COL8A1: variants seen among roughly 807,000 people sequenced by gnomAD.
The protein encoded by COL8A1 is collagen type VIII alpha 1 chain, also known as collagen alpha-1(VIII) chain.
COL8A1 carries 21 observed loss-of-function variants against 42.7 expected under a neutral mutation model. The ratio of observed to expected loss-of-function variants is 0.49; its 90% CI spans 0.35 to 0.71. COL8A1 has a LOEUF of 0.71. COL8A1 is among the 30% of genes least tolerant of loss of function. The pLI, the probability that COL8A1 is intolerant of heterozygous loss-of-function variation, is 0.01. For synonymous variants in COL8A1, 367 were observed against 369.1 expected (o/e 0.99, Z 0.06); for missense variants, 788 against 962.4 (o/e 0.82, Z 2.40).
intron 1 of COL8A1, among the ~76,000 whole-genome samples, chr3:99,651,492 C>T (rs1208149397): frequency 6.6e-6 from 1 of 152,240 alleles, no homozygotes; most frequent in Non-Finnish European, 1.5e-5. Context: ...GCCAGCAGGT[C>T]AGCGGAGGTA....
At chr3:99,728,817 T>C (rs865958738) in intron 1 of COL8A1, among the ~76,000 whole-genome samples, 3 of 152,128 alleles carry the variant, frequency 2.0e-5, no homozygotes, top group South Asian at 4.2e-4. Flanking sequence ...TACTTCACTC[T>C]TTTTGGTTCA....
chr3:99,725,125 G>C (rs539097129), intron 1 of COL8A1, among the ~76,000 whole-genome samples: 1 of 152,068 alleles, frequency 6.6e-6, no homozygotes, highest in Admixed American at 6.6e-5. Flanking sequence ...GAGCAATTCT[G>C]GGGGGAGTGC....
chr3:99,669,434 G>A (rs1016387525), intron 1 of COL8A1, among the ~76,000 whole-genome samples: 1 of 151,866 alleles, frequency 6.6e-6, no homozygotes, highest in African/African-American at 2.4e-5. Context: ...TAAAAAGCAA[G>A]CATTGTTAAT....
intron 1 of COL8A1, among the ~76,000 whole-genome samples, chr3:99,649,139 C>T (rs925285548): frequency 1.6e-4 from 25 of 151,998 alleles, no homozygotes; most frequent in African/African-American, 6.0e-4. Context: ...TAAGTATCTT[C>T]CCCTCTGTGA....
At chr3:99,674,588 G>A (rs148071796) in intron 1 of COL8A1, among the ~76,000 whole-genome samples, 141 of 151,916 alleles carry the variant, frequency 9.3e-4, no homozygotes, top group African/African-American at 3.2e-3. Flanking sequence ...CATTTTGTTC[G>A]GTAAAAGCAA....
chr3:99,732,883 G>T (rs1427612495), intron 1 of COL8A1, among the ~76,000 whole-genome samples: 1 of 152,118 alleles, frequency 6.6e-6, no homozygotes, highest in African/African-American at 2.4e-5. Context: ...GGGGGTACAG[G>T]TATTGGGAAA....
intron 2 of COL8A1, among the ~76,000 whole-genome samples, chr3:99,753,468 A>G (rs974798616): frequency 1.3e-5 from 2 of 152,198 alleles, no homozygotes; most frequent in Admixed American, 6.5e-5. Context: ...TTTGTGGGAA[A>G]GAAACTGCCT....
At chr3:99,652,164 G>A (rs780192895) in intron 1 of COL8A1, among the ~76,000 whole-genome samples, 2 of 152,148 alleles carry the variant, frequency 1.3e-5, no homozygotes, top group Non-Finnish European at 2.9e-5. Context: ...GCTAAAGGAA[G>A]AATCCATGAC....
intron 1 of COL8A1, among the ~76,000 whole-genome samples, chr3:99,644,574 C>T (rs867575238): frequency 9.2e-5 from 14 of 152,256 alleles, no homozygotes; most frequent in Admixed American, 3.3e-4. Flanking sequence ...TCCATATCTC[C>T]GAAATAGTAA....
intron 2 of COL8A1, among the ~76,000 whole-genome samples, chr3:99,763,346 G>C (rs1941399351): frequency 6.6e-6 from 1 of 152,164 alleles, no homozygotes; most frequent in Admixed American, 6.5e-5. Flanking sequence ...TGGGAGATGA[G>C]AGGGAAGGAT....
intron 1 of COL8A1, among the ~76,000 whole-genome samples, chr3:99,726,797 T>C (rs1195799032): frequency 4.0e-5 from 6 of 151,834 alleles, no homozygotes; most frequent in South Asian, 2.1e-4. Flanking sequence ...CAGTACCATG[T>C]TGTTTTGGTT....
At chr3:99,706,812 C>T (rs1939691226) in intron 1 of COL8A1, among the ~76,000 whole-genome samples, 1 of 152,144 alleles carries the variant, frequency 6.6e-6, no homozygotes, top group African/African-American at 2.4e-5. Flanking sequence ...CTTTACTGTT[C>T]ATGAATAATA....
intron 1 of COL8A1, among the ~76,000 whole-genome samples, chr3:99,710,928 T>C (rs1235972573): frequency 6.6e-6 from 1 of 152,264 alleles, no homozygotes; most frequent in African/African-American, 2.4e-5. Flanking sequence ...ATATATACTT[T>C]ATTTTCTTGA....
intron 1 of COL8A1, among the ~76,000 whole-genome samples, chr3:99,655,950 A>G (rs1938008421): frequency 6.6e-6 from 1 of 152,224 alleles, no homozygotes; most frequent in Admixed American, 6.5e-5. Flanking sequence ...AAAAGAAGCT[A>G]TACAAACACA....
At position 99,737,315 on chromosome 3, in the gene COL8A1, C is replaced by T. The variant is rs534827362; in HGVS notation, c.-128-7582C>T. Among the ~76,000 whole-genome samples, 193 of 151,960 alleles carry T rather than the reference C, an allele frequency of 1.3e-3. 1 individual carries two copies. The highest frequency in any genetic ancestry group is 3.4e-3 in the Middle Eastern group (1 of 294). The stretch of plus-strand genomic sequence containing the variant: ...TGCTCATTAGTTGATGCAGTTTCTT[C>T]CTAGTCTCGATGGTCTTTACATTTT... On this transcript the variant is annotated intron_variant, in intron 1 of 3. Transcript: ENST00000652472.
chr3:99,791,674 T>C (rs1942003683), intron 3 of COL8A1, among the ~76,000 whole-genome samples: 1 of 152,208 alleles, frequency 6.6e-6, no homozygotes, highest in South Asian at 2.1e-4. Context: ...ATTTGGTTTG[T>C]CTGGAGTTCT....
intron 1 of COL8A1, among the ~76,000 whole-genome samples, chr3:99,712,454 C>T (rs574717386): frequency 6.6e-6 from 1 of 152,222 alleles, no homozygotes; most frequent in Admixed American, 6.5e-5. Context: ...TTCCATAGTC[C>T]ACCTCCCAGC....
intron 1 of COL8A1, among the ~76,000 whole-genome samples, chr3:99,702,405 C>A (rs1403653266): frequency 6.6e-6 from 1 of 152,160 alleles, no homozygotes; most frequent in Non-Finnish European, 1.5e-5. Flanking sequence ...CAATAAAATA[C>A]AAGTAGCAAA....
At position 99,797,024 on chromosome 3, in the gene COL8A1, ACC is replaced by A. The variant is rs1350343795; in HGVS notation, c.*889_*890del. 2 of 152,106 alleles carry A rather than the reference ACC, an allele frequency of 1.3e-5. No homozygotes were observed. Among genetic ancestry groups the A allele is most frequent in the Admixed American group, 1.3e-4 (2 of 15,258 alleles). The allele number at this position is 152,106 out of a possible 1,614,324, so 9.4% of individuals were successfully genotyped here. Reference sequence around the variant, plus strand: ...TCACTATGGCCCAACTAATATAAACACCTGGAAATTACAAGGAAAAAAAATTC... The same window carrying A: ...TCACTATGGCCCAACTAATATAAACATGGAAATTACAAGGAAAAAAAATTC... On this transcript the variant is annotated 3_prime_UTR_variant, in exon 4 of 4. Coordinates refer to ENST00000652472, the MANE Select transcript of COL8A1 (RefSeq NM_020351.4).
Sources: allele counts gnomAD v4.1 joint callset (sites outside exome capture counted in the v4.1 genomes callset), GRCh38; gene constraint gnomAD v4.1.1; transcripts MANE v1.5; gene names NCBI Gene and HGNC (gene_info 2026-07-23, HGNC 2026-07-21).